PARP8: variants seen among roughly 807,000 people sequenced by gnomAD.
PARP8 encodes the protein poly(ADP-ribose) polymerase family member 8.
PARP8 carries 51 observed loss-of-function variants against 124.1 expected under a neutral mutation model. The ratio of observed to expected loss-of-function variants is 0.41; its 90% CI spans 0.33 to 0.52. PARP8 has a LOEUF of 0.52. Among genes scored for constraint, PARP8 ranks in the 20% least tolerant of loss-of-function variants. The pLI is 0.21. For missense variants in PARP8, 860 were observed against 1,018.9 expected, an observed-to-expected ratio of 0.84 and a Z score of 2.12; for synonymous variants, 391 against 361.5, an observed-to-expected ratio of 1.08 and a Z score of -0.93.
chr5:50,757,276 A>C (rs1760071806), intron 3 of PARP8: 1 of 405,756 alleles, frequency 2.5e-6, no homozygotes, highest in South Asian at 1.8e-5. Context: ...ATAAAAAAAA[A>C]CAGGCCAATA....
chr5:50,732,704 C>T (rs192994142), intron 2 of PARP8, among the ~76,000 whole-genome samples: 187 of 151,760 alleles, frequency 1.2e-3, no homozygotes, highest in Non-Finnish European at 2.0e-3. Context: ...CTGCAAGCTC[C>T]GCCACCCGGG....
chr5:50,797,997 T>C (rs1742749507), intron 14 of PARP8, among the ~76,000 whole-genome samples: 1 of 152,190 alleles, frequency 6.6e-6, no homozygotes, highest in Non-Finnish European at 1.5e-5. Context: ...CTGGCAATTA[T>C]GAAACTGTTT....
intron 2 of PARP8, among the ~76,000 whole-genome samples, chr5:50,707,580 T>C (rs1312866791): frequency 3.3e-5 from 5 of 151,252 alleles, no homozygotes; most frequent in Admixed American, 3.3e-4. Context: ...CTTTGGAAGA[T>C]ATTCCAAGGA....
rs34347134 is a variant in PARP8, at chr5:50,819,427, C to CTTTTTTTT, written c.1669-1763_1669-1756dup. Among the ~76,000 whole-genome samples the CTTTTTTTT allele has an allele frequency of 2.3e-3, 105 of 46,660 alleles. 16 individuals are homozygous for CTTTTTTTT. The highest frequency in any genetic ancestry group is 6.4e-3 in the African/African-American group (68 of 10,588). 30.6% of individuals were successfully genotyped at this position (46,660 alleles called of 152,430 possible). Reference sequence around the variant, plus strand: ...GTCTCAGAAAAGGCTATTTTATCTTCTTTTTTTTTTTTTTTTTTTTTTTTT... The same window carrying CTTTTTTTT: ...GTCTCAGAAAAGGCTATTTTATCTTCTTTTTTTTTTTTTTTTTTTTTTTTTTTTTTTTT... On this transcript the variant is annotated intron_variant, in intron 15 of 25. Coordinates refer to ENST00000281631, the MANE Select transcript of PARP8 (RefSeq NM_024615.4).
At chr5:50,672,173 C>A (rs1472452618) in intron 2 of PARP8, among the ~76,000 whole-genome samples, 1 of 152,186 alleles carries the variant, frequency 6.6e-6, no homozygotes, top group Non-Finnish European at 1.5e-5. Flanking sequence ...CTCTGAGAAG[C>A]CTTTCCTGGC....
chr5:50,714,077 T>C (rs2149492633), intron 2 of PARP8, among the ~76,000 whole-genome samples: 1 of 149,068 alleles, frequency 6.7e-6, no homozygotes, highest in African/African-American at 2.5e-5. Flanking sequence ...TTTTCTTTTC[T>C]TTCTTTCTTT....
upstream of PARP8, chr5:50,666,227 T>C (rs1306519716): frequency 6.6e-6 from 1 of 152,252 alleles, no homozygotes; most frequent in Admixed American, 6.5e-5. Context: ...TTCCGTGTTA[T>C]GTGATGTGGC....
At chr5:50,782,445 G>C (rs1740773441) in intron 9 of PARP8, among the ~76,000 whole-genome samples, 1 of 152,126 alleles carries the variant, frequency 6.6e-6, no homozygotes, top group Admixed American at 6.5e-5. Flanking sequence ...AAAATGTGCA[G>C]TAATGTATAA....
chr5:50,752,857 G>A (rs1759410199), intron 3 of PARP8, among the ~76,000 whole-genome samples: 2 of 152,056 alleles, frequency 1.3e-5, no homozygotes, highest in South Asian at 4.1e-4. Flanking sequence ...ATCCTCCAAA[G>A]TCAAGATTAC....
At position 50,805,769 on chromosome 5, in the gene PARP8, A is replaced by G. The variant is rs143462788; in HGVS notation, c.1575+8536A>G. Among the ~76,000 whole-genome samples the G allele has an allele frequency of 1.1e-3, 162 of 152,218 alleles. 2 individuals are homozygous for G. The East Asian group carries it at 0.028, about 27-fold the overall frequency. ...TCAGATATTTTATTTTATTTGCTTA[A>G]GGGAAACAATCCGTGTACTATTTTT... On this transcript the variant is annotated intron_variant, in intron 14 of 25. Coordinates refer to ENST00000281631, the MANE Select transcript of PARP8 (RefSeq NM_024615.4).
Position 50,827,962 on chromosome 5 carries a change from A to G in PARP8, c.1996A>G (p.Thr666Ala). The G allele has an allele frequency of 1.2e-6, 2 of 1,612,288 alleles. No homozygotes were observed. Among genetic ancestry groups the G allele is most frequent in the Non-Finnish European group, 1.7e-6 (2 of 1,178,530 alleles). The change falls in exon 20 of 26, where the codon ACT becomes GCT. Residue 666 changes from threonine (T) to alanine (A), a missense_variant. Thr to Ala is a moderately conservative substitution (Grantham distance 58). Transcript: ENST00000281631. ...PVNRQLKFMH[T>A]PHQFLLLSSP... ...ATGGCAGCAATTGAAGTTTATGCATACTCCACATCAGTTCCTTCTTCTCAG... is the reference window on the plus strand; with the variant it reads ...ATGGCAGCAATTGAAGTTTATGCATGCTCCACATCAGTTCCTTCTTCTCAG...
chr5:50,733,453 A>G (rs776460557), intron 2 of PARP8, among the ~76,000 whole-genome samples: 40 of 152,170 alleles, frequency 2.6e-4, no homozygotes, highest in Non-Finnish European at 4.1e-4. Flanking sequence ...TCTTTTTCAC[A>G]TTTTAGAATT....
chr5:50,697,075 T>C (rs565469029), intron 2 of PARP8, among the ~76,000 whole-genome samples: 6 of 152,104 alleles, frequency 3.9e-5, no homozygotes, highest in Non-Finnish European at 8.8e-5. Flanking sequence ...GAGACCATCC[T>C]GGCCAACATA....
intron 1 of PARP8, chr5:50,667,529 G>C (rs1846150): frequency 1.4e-6 from 1 of 700,146 alleles, no homozygotes; most frequent in Non-Finnish European, 2.6e-6. Flanking sequence ...AGCGGCGGCA[G>C]AGCGGGGTTG....
At chr5:50,815,144 T>G (rs1184082144) in intron 14 of PARP8, among the ~76,000 whole-genome samples, 1 of 152,184 alleles carries the variant, frequency 6.6e-6, no homozygotes, top group African/African-American at 2.4e-5. Context: ...GCACGAGAGA[T>G]AAATTTTCCT....
chr5:50,823,042 G>T (rs1284298259), intron 17 of PARP8, among the ~76,000 whole-genome samples: 1 of 152,236 alleles, frequency 6.6e-6, no homozygotes, highest in Admixed American at 6.5e-5. Context: ...ACTTATCATT[G>T]TAAGTAGAAA....
chr5:50,732,256 G>A (rs1175157421), intron 2 of PARP8, among the ~76,000 whole-genome samples: 1 of 152,132 alleles, frequency 6.6e-6, no homozygotes, highest in African/African-American at 2.4e-5. Context: ...AGAAAGATTG[G>A]AATTAGAATC....
chr5:50,795,644 A>G (rs1414405473), intron 12 of PARP8, among the ~76,000 whole-genome samples: 1 of 152,228 alleles, frequency 6.6e-6, no homozygotes, highest in African/African-American at 2.4e-5. Context: ...TTTGAAGTCC[A>G]GTTCAAATTC....
At chr5:50,840,492 A>G (rs1748062649) in intron 25 of PARP8, among the ~76,000 whole-genome samples, 1 of 151,880 alleles carries the variant, frequency 6.6e-6, no homozygotes. Flanking sequence ...AGAGCATAAA[A>G]AATAGCAGTC....
Sources: gnomAD v4.1 joint callset for allele counts (sites outside exome capture counted in the v4.1 genomes callset) on GRCh38, gnomAD v4.1.1 for gene constraint, MANE v1.5 for transcripts, NCBI Gene and HGNC (gene_info 2026-07-23, HGNC 2026-07-21) for gene names.